PPP6R3: variants seen among roughly 807,000 people sequenced by gnomAD.
PPP6R3 encodes the protein protein phosphatase 6 regulatory subunit 3.
PPP6R3 carries 38 observed loss-of-function variants against 110.7 expected under a neutral mutation model. The observed-to-expected ratio is 0.34, with a 90% CI of 0.26 to 0.45. The LOEUF is 0.45. Ranked by LOEUF, PPP6R3 falls within the 20% of genes least tolerant of loss-of-function variation. PPP6R3 has a pLI of 1.00. For missense variants in PPP6R3, 870 were observed against 1,062.4 expected (o/e 0.82, Z 2.52); for synonymous variants, 369 against 373.5 (o/e 0.99, Z 0.14).
intron 1 of PPP6R3, among the ~76,000 whole-genome samples, chr11:68,477,426 T>G (rs1349907355): frequency 6.6e-6 from 1 of 151,934 alleles, no homozygotes; most frequent in African/African-American, 2.4e-5. Flanking sequence ...ATCAGGGTAT[T>G]AAATTCATTT....
Position 68,609,926 on chromosome 11 carries a change from T to G in PPP6R3, c.2473T>G (p.Ser825Ala). Residue 825 changes from serine (S) to alanine (A), a missense_variant, in exon 23 of 24, where the codon TCT becomes GCT. Transcript: ENST00000393800. Reference sequence around the variant, plus strand: ...CAGTGAGGAAGGGAAACTGTCTACCTCTCAAGATGCTGCTTGTAAAGACGC... The same window carrying G: ...CAGTGAGGAAGGGAAACTGTCTACCGCTCAAGATGCTGCTTGTAAAGACGC... ...FKSEEGKLST[S>A]QDAACKDAEE... The G allele has an allele frequency of 1.2e-6, 2 of 1,614,116 alleles. No individual in the cohort carries two copies. The highest frequency in any genetic ancestry group is 1.7e-6 in the Non-Finnish European group (2 of 1,180,006).
chr11:68,490,875 C>G (rs989825586), intron 1 of PPP6R3, among the ~76,000 whole-genome samples: 2 of 152,114 alleles, frequency 1.3e-5, no homozygotes, highest in Non-Finnish European at 2.9e-5. Flanking sequence ...TCACTAAAGC[C>G]TTTAGCATAT....
chr11:68,464,600 T>C (rs760015011), intron 1 of PPP6R3, among the ~76,000 whole-genome samples: 15 of 152,146 alleles, frequency 9.9e-5, no homozygotes, highest in Non-Finnish European at 2.1e-4. Flanking sequence ...GATTATTTAG[T>C]AGTGGGGATT....
rs1157012959 is a variant in PPP6R3, at chr11:68,519,504, A to C, written c.-154A>C. On this transcript the variant is annotated 5_prime_UTR_variant, in exon 2 of 24. Coordinates refer to ENST00000393800, the MANE Select transcript of PPP6R3 (RefSeq NM_001164161.2). ...TGCTTTTTTTTTTCTTTTACAGGAGAGCTTGTTTCATATCCATATCCCACT... is the reference window on the plus strand; with the variant it reads ...TGCTTTTTTTTTTCTTTTACAGGAGCGCTTGTTTCATATCCATATCCCACT... 1 of 397,722 alleles carries C rather than the reference A, an allele frequency of 2.5e-6. No individual in the cohort carries two copies. The highest frequency in any genetic ancestry group is 4.4e-6 in the Non-Finnish European group (1 of 225,802). The allele number at this position is 397,722 out of a possible 1,614,324, so 24.6% of individuals were successfully genotyped here. A position where few individuals can be genotyped will look rare whatever the true frequency, so the allele number is the denominator to read the frequency against.
Position 68,502,717 on chromosome 11 carries a change from G to A in PPP6R3, c.-157-16784G>A, listed in dbSNP as rs1016191165. ...TTTCCAGGCTGCCTTTCACAACTAG[G>A]GTGTGCCTTTTACTGAGATGGGGAG... is the stretch of plus-strand genomic sequence containing the variant. On this transcript the variant is annotated intron_variant, in intron 1 of 23. Transcript: ENST00000393800. Among the ~76,000 whole-genome samples, 9 of 152,276 alleles carry A rather than the reference G, an allele frequency of 5.9e-5. No individual in the cohort carries two copies. The South Asian group carries it at 1.7e-3, about 28-fold the overall frequency.
At chr11:68,604,190 A>G (rs12283755) in intron 22 of PPP6R3, among the ~76,000 whole-genome samples, 36,682 of 152,184 alleles carry the variant, frequency 0.24, 4,701 homozygotes, top group Middle Eastern at 0.33. Flanking sequence ...TACATGAGCA[A>G]TTATTCTCAA....
rs1434778146 is a variant in PPP6R3 at position 68,537,712 on chromosome 11, T to C, written c.48T>C (p.Leu16=). The C allele has an allele frequency of 6.2e-7, 1 of 1,613,268 alleles. No individual in the cohort carries two copies. The highest frequency in any genetic ancestry group is 2.2e-5 in the East Asian group (1 of 44,858). The change falls in exon 3 of 24, where the codon CTT becomes CTC. Residue 16 remains leucine, a synonymous_variant. Transcript: ENST00000393800. ...DLHSSSHIDT[L]LEREDVTLKE... The stretch of plus-strand genomic sequence containing the variant: ...ACTCATCATCCCACATAGACACACT[T>C]CTAGAAAGAGAAGATGTAACACTGA...
chr11:68,496,288 AGTT>A (rs2099015424), intron 1 of PPP6R3, among the ~76,000 whole-genome samples: 1 of 151,448 alleles, frequency 6.6e-6, no homozygotes, highest in Admixed American at 6.6e-5. Context: ...GGCTTCCCAA[AGTT>A]GTTGGGATTA....
chr11:68,613,703 C>T lies in PPP6R3; in HGVS notation c.*586C>T. 1.0e-6 allele frequency: 1 copy of T among 982,618 alleles called. No individual in the cohort carries two copies. Among genetic ancestry groups the T allele is most frequent in the Non-Finnish European group, 1.2e-6 (1 of 827,050 alleles). The allele number at this position is 982,618 out of a possible 1,614,324, so 60.9% of individuals were successfully genotyped here. On this transcript the variant is annotated 3_prime_UTR_variant, in exon 24 of 24. Transcript: ENST00000393800. Reference sequence around the variant, plus strand: ...CCAGTTTTTGATTGGTAATTGTTTTCTGTATTGTTTAAAACGGATCAAAAA... The same window carrying T: ...CCAGTTTTTGATTGGTAATTGTTTTTTGTATTGTTTAAAACGGATCAAAAA...
At chr11:68,486,073 GA>G (rs912447988) in intron 1 of PPP6R3, among the ~76,000 whole-genome samples, 2 of 150,326 alleles carry the variant, frequency 1.3e-5, no homozygotes, top group Admixed American at 1.3e-4. Context: ...GTCTCAAAAA[GA>G]AAAAAATTAA....
At chr11:68,591,940 C>T (rs971094947) in intron 18 of PPP6R3, among the ~76,000 whole-genome samples, 1 of 152,174 alleles carries the variant, frequency 6.6e-6, no homozygotes, top group African/African-American at 2.4e-5. Context: ...TGGGGCCCAG[C>T]GTCTTCCAAA....
At chr11:68,495,037 A>G (rs2099007286) in intron 1 of PPP6R3, among the ~76,000 whole-genome samples, 1 of 151,932 alleles carries the variant, frequency 6.6e-6, no homozygotes, top group South Asian at 2.1e-4. Flanking sequence ...TAAAAGTAGT[A>G]GCCATTGTGA....
chr11:68,491,108 G>T (rs1198522042), intron 1 of PPP6R3, among the ~76,000 whole-genome samples: 8 of 151,930 alleles, frequency 5.3e-5, no homozygotes, highest in Non-Finnish European at 1.2e-4. Flanking sequence ...GATCACTTGA[G>T]CCTAGGAAGT....
intron 1 of PPP6R3, among the ~76,000 whole-genome samples, chr11:68,471,640 G>GAA (rs2098792886): frequency 6.6e-6 from 1 of 152,192 alleles, no homozygotes; most frequent in Admixed American, 6.5e-5. Flanking sequence ...CTCCGTCATG[G>GAA]GATTTGCCAC....
rs548239385 is a variant in PPP6R3 at position 68,488,266 on chromosome 11, A to C, written c.-158+27439A>C. ...TAAACAGGGACTTGCTCTATAGCCCAGGCTGCAGTGCAGTGGCACAGTCAT... is the reference window on the plus strand; with the variant it reads ...TAAACAGGGACTTGCTCTATAGCCCCGGCTGCAGTGCAGTGGCACAGTCAT... On this transcript the variant is annotated intron_variant, in intron 1 of 23. Coordinates refer to ENST00000393800, the MANE Select transcript of PPP6R3 (RefSeq NM_001164161.2). Among the ~76,000 whole-genome samples, 509 of 152,000 alleles carry C rather than the reference A, an allele frequency of 3.3e-3. 3 individuals are homozygous for C. The highest frequency in any genetic ancestry group is 6.1e-3 in the Non-Finnish European group (417 of 68,002).
In PPP6R3 at chr11:68,489,552, T is replaced by TGTGTGTGTGTGTGTGTG. The variant is rs1491233294; in HGVS notation, c.-158+28725_-158+28726insGTGTGTGTGTGTGTGTG. 7.0e-4 allele frequency among the ~76,000 whole-genome samples: 101 copies of TGTGTGTGTGTGTGTGTG among 145,050 alleles called. 1 individual carries two copies. The highest frequency in any genetic ancestry group is 1.6e-3 in the African/African-American group (61 of 38,274). On this transcript the variant is annotated intron_variant, in intron 1 of 23. Transcript: ENST00000393800. ...CTTTCACTTTGCAGATACTGTGTGT[T>TGTGTGTGTGTGTGTGTG]TGTGTGTGTGTGTGTGTGTGTGTGT...
intron 14 of PPP6R3, among the ~76,000 whole-genome samples, chr11:68,577,008 G>T (rs2099534301): frequency 1.3e-5 from 2 of 152,172 alleles, no homozygotes; most frequent in Admixed American, 1.3e-4. Context: ...TCCTGACAGA[G>T]TCACACTTTT....
chr11:68,503,454 AGAAGGAAG>A (rs1216503193), intron 1 of PPP6R3, among the ~76,000 whole-genome samples: 2 of 152,296 alleles, frequency 1.3e-5, no homozygotes, highest in Admixed American at 1.3e-4. Flanking sequence ...GTGGGACAGA[AGAAGGAAG>A]GAAGGAAGGA....
In PPP6R3 at chr11:68,614,384, C is replaced by T. The variant is rs572024779; in HGVS notation, c.*1267C>T. 45 of 1,251,778 alleles carry T rather than the reference C, an allele frequency of 3.6e-5. 1 individual carries two copies. The African/African-American group carries it at 6.2e-4, about 17-fold the overall frequency. 77.5% of individuals were successfully genotyped at this position (1,251,778 alleles called of 1,614,324 possible). On this transcript the variant is annotated 3_prime_UTR_variant, in exon 24 of 24. Transcript: ENST00000393800. ...ATCGTCTGGTGAAAGGGTTAAATTACTTCACCTCTTGCACTTTTAGATGCA... is the reference window on the plus strand; with the variant it reads ...ATCGTCTGGTGAAAGGGTTAAATTATTTCACCTCTTGCACTTTTAGATGCA...
Sources: gnomAD v4.1 joint callset for allele counts (sites outside exome capture counted in the v4.1 genomes callset) on GRCh38, gnomAD v4.1.1 for gene constraint, MANE v1.5 for transcripts, NCBI Gene and HGNC (gene_info 2026-07-23, HGNC 2026-07-21) for gene names.